The following CNTNAP5 variants were observed in gnomAD, a reference collection of about 807,000 sequenced individuals.
CNTNAP5 encodes the protein contactin-associated protein-like 5.
In CNTNAP5, 72 loss-of-function variants were observed where a neutral mutation model predicts 150.2. The ratio of observed to expected loss-of-function variants is 0.48; its 90% CI spans 0.40 to 0.58. The LOEUF is 0.58. Ranked by LOEUF, CNTNAP5 falls within the 20% of genes least tolerant of loss-of-function variation. CNTNAP5 has a pLI of 0.00. For synonymous variants in CNTNAP5, 672 were observed against 619.8 expected, an observed-to-expected ratio of 1.08 and a Z score of -1.25; for missense variants, 1,636 against 1,626.2, an observed-to-expected ratio of 1.01 and a Z score of -0.10.
chr2:124,048,440 T>A (rs1196577672), intron 1 of CNTNAP5, among the ~76,000 whole-genome samples: 1 of 152,104 alleles, frequency 6.6e-6, no homozygotes, highest in Non-Finnish European at 1.5e-5. Context: ...CATGAAAGAG[T>A]TTTATTGGTT....
At chr2:124,321,406 G>A (rs1368815867) in intron 3 of CNTNAP5, among the ~76,000 whole-genome samples, 3 of 149,806 alleles carry the variant, frequency 2.0e-5, no homozygotes, top group East Asian at 3.9e-4. Flanking sequence ...TTGTGCCATT[G>A]CATTCCAGCC....
At chr2:124,176,485 A>T (rs937750435) in intron 1 of CNTNAP5, among the ~76,000 whole-genome samples, 2 of 152,184 alleles carry the variant, frequency 1.3e-5, no homozygotes, top group South Asian at 2.1e-4. Flanking sequence ...GGTAGCTGAA[A>T]ATCACTGTCA....
At chr2:124,551,220 G>A (rs1695620834) in intron 10 of CNTNAP5, among the ~76,000 whole-genome samples, 1 of 152,050 alleles carries the variant, frequency 6.6e-6, no homozygotes, top group Admixed American at 6.6e-5. Context: ...ATTATCTGGG[G>A]ATCATCGCAA....
intron 3 of CNTNAP5, among the ~76,000 whole-genome samples, chr2:124,332,455 A>G (rs1469537019): frequency 6.6e-6 from 1 of 151,404 alleles, no homozygotes. Flanking sequence ...ACCTCATAGA[A>G]TAACATTTCA....
intron 3 of CNTNAP5, among the ~76,000 whole-genome samples, chr2:124,391,370 G>C (rs996373107): frequency 1.3e-5 from 2 of 152,112 alleles, no homozygotes; most frequent in African/African-American, 4.8e-5. Context: ...GACACAATGT[G>C]ATCACAAAAA....
chr2:124,634,733 A>C (rs1479653137), intron 12 of CNTNAP5, among the ~76,000 whole-genome samples: 1 of 152,024 alleles, frequency 6.6e-6, no homozygotes, highest in East Asian at 1.9e-4. Context: ...CAAACTCGTG[A>C]GCTCAAGTGA....
In CNTNAP5 at chr2:124,412,274, G is replaced by A. The variant is rs1691789948; in HGVS notation, c.382-5169G>A. On this transcript the variant is annotated intron_variant, in intron 3 of 23. Transcript: ENST00000682447. ...AACATTCCATGCTCATGGGTAGGAA[G>A]AATCAATGTCATGAAAATGGCCATA... Among the ~76,000 whole-genome samples the A allele has an allele frequency of 5.3e-5, 8 of 150,042 alleles. No homozygotes were observed. In the South Asian group the frequency reaches 1.7e-3, roughly 32 times the overall value.
At chr2:124,551,155 G>T (rs1164660776) in intron 10 of CNTNAP5, among the ~76,000 whole-genome samples, 2 of 151,974 alleles carry the variant, frequency 1.3e-5, no homozygotes, top group African/African-American at 4.8e-5. Flanking sequence ...CCCCAGCATT[G>T]TTGCTGGGAT....
intron 13 of CNTNAP5, among the ~76,000 whole-genome samples, chr2:124,699,045 T>C (rs1679464833): frequency 6.6e-6 from 1 of 152,190 alleles, no homozygotes; most frequent in East Asian, 1.9e-4. Flanking sequence ...AGCGATTTAA[T>C]ATTTAATTTT....
At chr2:124,338,958 T>C (rs1296132720) in intron 3 of CNTNAP5, among the ~76,000 whole-genome samples, 2 of 152,172 alleles carry the variant, frequency 1.3e-5, no homozygotes, top group Non-Finnish European at 2.9e-5. Context: ...GATGGTCTTA[T>C]GGATTATATT....
At chr2:124,618,194 A>G (rs1159230851) in intron 12 of CNTNAP5, among the ~76,000 whole-genome samples, 2 of 152,118 alleles carry the variant, frequency 1.3e-5, no homozygotes, top group Non-Finnish European at 2.9e-5. Flanking sequence ...AACAGAATAG[A>G]AAAGGAGGAA....
chr2:124,159,861 C>T (rs1447606754), intron 1 of CNTNAP5, among the ~76,000 whole-genome samples: 2 of 151,954 alleles, frequency 1.3e-5, no homozygotes, highest in African/African-American at 4.8e-5. Flanking sequence ...ATTGTTCATC[C>T]AAGTTTTAAA....
At chr2:124,127,271 A>C (rs1480946061) in intron 1 of CNTNAP5, among the ~76,000 whole-genome samples, 2 of 152,104 alleles carry the variant, frequency 1.3e-5, no homozygotes, top group Non-Finnish European at 2.9e-5. Context: ...AATAACAGAC[A>C]AACAGAGAGC....
chr2:124,082,115 C>T (rs1257884741), intron 1 of CNTNAP5, among the ~76,000 whole-genome samples: 1 of 151,806 alleles, frequency 6.6e-6, no homozygotes, highest in African/African-American at 2.4e-5. Context: ...TTTGGGAGGC[C>T]GAGGCGGGTG....
chr2:124,120,666 C>T (rs996551434), intron 1 of CNTNAP5, among the ~76,000 whole-genome samples: 3 of 152,040 alleles, frequency 2.0e-5, no homozygotes, highest in Non-Finnish European at 2.9e-5. Flanking sequence ...GTAGGCTTGG[C>T]GATTTACAGG....
chr2:124,895,548 C>G (rs1232020831), intron 21 of CNTNAP5, among the ~76,000 whole-genome samples: 2 of 151,508 alleles, frequency 1.3e-5, no homozygotes, highest in African/African-American at 4.9e-5. Context: ...ATTCTTGAAC[C>G]TGGGAGGATG....
intron 11 of CNTNAP5, among the ~76,000 whole-genome samples, chr2:124,578,680 G>A (rs1000638003): frequency 1.3e-5 from 2 of 152,084 alleles, no homozygotes; most frequent in African/African-American, 4.8e-5. Flanking sequence ...GACTGAGGTG[G>A]GAGGATCATT....
chr2:124,553,250 T>C (rs1341951753), intron 10 of CNTNAP5, among the ~76,000 whole-genome samples: 4 of 152,148 alleles, frequency 2.6e-5, no homozygotes, highest in African/African-American at 9.7e-5. Context: ...ACACCTGCAA[T>C]CCCAGTACTT....
chr2:124,757,424 G>T (rs1680862647), intron 14 of CNTNAP5, among the ~76,000 whole-genome samples: 1 of 152,178 alleles, frequency 6.6e-6, no homozygotes, highest in Non-Finnish European at 1.5e-5. Flanking sequence ...GCACAGTCCA[G>T]AGGCGGCACA....
Sources: allele counts gnomAD v4.1 joint callset (sites outside exome capture counted in the v4.1 genomes callset), GRCh38; gene constraint gnomAD v4.1.1; transcripts MANE v1.5; gene names NCBI Gene and HGNC (gene_info 2026-07-23, HGNC 2026-07-21).